The following ARID1A variants were observed in gnomAD, a reference collection of about 807,000 sequenced individuals.
ARID1A encodes the protein AT-rich interaction domain 1A, also known as AT-rich interactive domain-containing protein 1A.
A neutral mutation model predicts 212.6 loss-of-function variants in ARID1A; 20 were observed. That is an observed-to-expected ratio of 0.09 (90% CI 0.07 to 0.14). The LOEUF is 0.14. ARID1A is among the 10% of genes least tolerant of loss of function. The pLI, the probability that ARID1A is intolerant of heterozygous loss-of-function variation, is 1.00. For missense variants in ARID1A, 2,587 were observed against 3,059.0 expected (o/e 0.85, Z 3.64); for synonymous variants, 1,376 against 1,222.1 (o/e 1.13, Z -2.63).
rs1407085369 is a variant in ARID1A, at chr1:26,771,095, G to A, written c.3199-24G>A. On this transcript the variant is annotated intron_variant, in intron 11 of 19. Transcript: ENST00000324856. The surrounding 1 kb of genome is among the most constrained non-coding windows in gnomAD (Gnocchi z 5.4). ...GAAAACCAGGCGGGAGATATACCTC[G>A]ACTCCTTTGGTTTGGTTATACAGGT... The A allele has an allele frequency of 5.6e-6, 9 of 1,612,306 alleles. No homozygotes were observed. Among genetic ancestry groups the A allele is most frequent in the Admixed American group, 5.0e-5 (3 of 60,010 alleles).
intron 1 of ARID1A, among the ~76,000 whole-genome samples, chr1:26,719,632 T>C (rs1257782387): frequency 6.6e-6 from 1 of 152,056 alleles, no homozygotes; most frequent in East Asian, 1.9e-4. Context: ...ACTTTTTTTT[T>C]TTTTCTTTTT....
rs762698084 is a variant in ARID1A, at chr1:26,780,559, C to T, written c.6661C>T (p.Pro2221Ser). The T allele has an allele frequency of 6.2e-7, 1 of 1,614,126 alleles. No individual in the cohort carries two copies. The highest frequency in any genetic ancestry group is 1.1e-5 in the South Asian group (1 of 91,088). The part of the protein sequence containing the change: ...SQASLLHMQN[P>S]PFEPTSVDMM... ...GGCCAGCCTCCTCCACATGCAGAACCCACCCTTTGAGCCAACTAGTGTGGA... is the reference window on the plus strand; with the variant it reads ...GGCCAGCCTCCTCCACATGCAGAACTCACCCTTTGAGCCAACTAGTGTGGA... Residue 2221 changes from proline to serine, a missense_variant, in exon 20 of 20, where the codon CCA (proline) becomes TCA (serine). Pro to Ser is a moderately conservative substitution (Grantham distance 74). Coordinates refer to ENST00000324856, the MANE Select transcript of ARID1A (RefSeq NM_006015.6). This position sits in a 1 kb window ranked among gnomAD's most constrained non-coding sequence, Gnocchi z 7.2.
intron 1 of ARID1A, among the ~76,000 whole-genome samples, chr1:26,724,986 T>TTTTTTA (rs1241447416): frequency 2.0e-5 from 3 of 152,148 alleles, no homozygotes; most frequent in Non-Finnish European, 4.4e-5. Flanking sequence ...TCTTTCCCCC[T>TTTTTTA]TTTTTATTTT....
At chr1:26,742,895 G>A (rs995537966) in intron 4 of ARID1A, among the ~76,000 whole-genome samples, 14 of 152,134 alleles carry the variant, frequency 9.2e-5, no homozygotes, top group Admixed American at 8.5e-4. Context: ...CCTTGAACCC[G>A]AGAGGCGGAG....
chr1:26,737,604 G>A (rs1350514825), intron 4 of ARID1A, among the ~76,000 whole-genome samples: 2 of 152,094 alleles, frequency 1.3e-5, no homozygotes, highest in African/African-American at 2.4e-5. Flanking sequence ...GGTGCCTCAC[G>A]CTTGTAATCC....
At chr1:26,762,822 C>T (rs1018457645) in intron 7 of ARID1A, 151 bp from the exon 8 acceptor site, 45 of 808,412 alleles carry the variant, frequency 5.6e-5, no homozygotes, top group Admixed American at 9.6e-5. Flanking sequence ...CTGGAATCCC[C>T]CCCTTTTTCT....
chr1:26,766,988 AAGAAGGAGATAAGGCAG>A (rs1214846707), intron 10 of ARID1A, among the ~76,000 whole-genome samples: 3 of 152,134 alleles, frequency 2.0e-5, no homozygotes, highest in Non-Finnish European at 4.4e-5. Context: ...GTGTTCTGTA[AAGAAGGAGATAAGGCAG>A]ATGAGGCTTG....
rs998491271 is a variant in ARID1A, at chr1:26,696,155, G to A, written c.-249G>A. Reference sequence around the variant, plus strand: ...AGCCGGGTCCCGAGCCTACAGAGCCGGGAGCAGCTGAGCCGCCGGCGCCTC... The same window carrying A: ...AGCCGGGTCCCGAGCCTACAGAGCCAGGAGCAGCTGAGCCGCCGGCGCCTC... On this transcript the variant is annotated 5_prime_UTR_variant, in exon 1 of 20. Coordinates refer to ENST00000324856, the MANE Select transcript of ARID1A (RefSeq NM_006015.6). 2 of 509,138 alleles carry A rather than the reference G, an allele frequency of 3.9e-6. No individual in the cohort carries two copies. Among genetic ancestry groups the A allele is most frequent in the Non-Finnish European group, 5.6e-6 (2 of 359,646 alleles). 31.5% of individuals were successfully genotyped at this position (509,138 alleles called of 1,614,324 possible). A position where few individuals can be genotyped will look rare whatever the true frequency, so the allele number is the denominator to read the frequency against.
rs1256908417 is a variant in ARID1A at position 26,779,553 on chromosome 1, A to G, written c.5655A>G (p.Ala1885=). ...CCCCTCGGAAGCATGTGACAACAGCAGAGGGTACACCAGGGACAACAGACC... is the reference window on the plus strand; with the variant it reads ...CCCCTCGGAAGCATGTGACAACAGCGGAGGGTACACCAGGGACAACAGACC... ...PPAPRKHVTT[A]EGTPGTTDQE... Residue 1885 remains alanine (A), a synonymous_variant, in exon 20 of 20, where the codon GCA becomes GCG. Transcript: ENST00000324856. The G allele has an allele frequency of 1.2e-6, 2 of 1,614,172 alleles. No homozygotes were observed. Among genetic ancestry groups the G allele is most frequent in the East Asian group, 4.5e-5 (2 of 44,876 alleles).
At chr1:26,750,991 A>G (rs1389329887) in intron 4 of ARID1A, among the ~76,000 whole-genome samples, 2 of 152,080 alleles carry the variant, frequency 1.3e-5, no homozygotes, top group Admixed American at 6.6e-5. Flanking sequence ...ATGGTGGCTC[A>G]CACCTGTAAT....
rs749999757 is a variant in ARID1A at position 26,732,690 on chromosome 1, T to C, written c.1818T>C (p.Asp606=). The C allele has an allele frequency of 8.7e-6, 14 of 1,613,452 alleles. No individual in the cohort carries two copies. In the South Asian group the frequency reaches 1.5e-4, roughly 18 times the overall value. The change falls in exon 4 of 20, where the codon GAT becomes GAC. Residue 606 remains aspartate (D), a synonymous_variant. Coordinates refer to ENST00000324856, the MANE Select transcript of ARID1A (RefSeq NM_006015.6). ...TCTTGTTGTAGGAGCTATCTCAAGA[T>C]TCATTTGGGTCTCAGGCATCCTCAG... ...RFPPPQELSQ[D]SFGSQASSAP...
Position 26,696,689 on chromosome 1 carries a change from G to A in ARID1A, c.286G>A (p.Ala96Thr), listed in dbSNP as rs767811400. Residue 96 changes from alanine to threonine, a missense_variant, in exon 1 of 20, where the codon GCG becomes ACG. Ala to Thr is a moderately conservative substitution (Grantham distance 58, BLOSUM62 0). Around this residue, in one of 11 missense-constraint regions of ARID1A, gnomAD observed 735 missense variants for 590.6 expected, o/e 1.24. Coordinates refer to ENST00000324856, the MANE Select transcript of ARID1A (RefSeq NM_006015.6). ...GGAGSGGGPG[A>T]EPDLKNSNGN... Reference sequence around the variant, plus strand: ...AGCCGGCAGCGGCGGCGGGCCCGGCGCGGAGCCGGACCTGAAGAACTCGAA... The same window carrying A: ...AGCCGGCAGCGGCGGCGGGCCCGGCACGGAGCCGGACCTGAAGAACTCGAA... 3 of 1,327,856 alleles carry A rather than the reference G, an allele frequency of 2.3e-6. 1 individual carries two copies. The highest frequency in any genetic ancestry group is 4.1e-5 in the South Asian group (2 of 48,770). The allele number at this position is 1,327,856 out of a possible 1,614,324, so 82.3% of individuals were successfully genotyped here.
At chr1:26,762,927 G>T (rs772257105) in intron 7 of ARID1A, 46 bp from the exon 8 acceptor site, 1 of 1,484,260 alleles carries the variant, frequency 6.7e-7, no homozygotes, top group Admixed American at 2.0e-5. Flanking sequence ...ATATTAGTGA[G>T]TTGCTAGTGA....
intron 4 of ARID1A, among the ~76,000 whole-genome samples, chr1:26,734,720 G>T (rs1000328468): frequency 1.8e-4 from 27 of 152,198 alleles, no homozygotes; most frequent in African/African-American, 6.0e-4. Context: ...GCCTACGCAG[G>T]CTAGGAAGCA....
intron 11 of ARID1A, chr1:26,770,423 T>A (rs1291928727): frequency 2.6e-5 from 4 of 152,064 alleles, no homozygotes; most frequent in Non-Finnish European, 5.9e-5. Context: ...TTATCATGAG[T>A]CTCCATTTTA....
chr1:26,696,185 G>C lies in ARID1A; in HGVS notation c.-219G>C. 4 of 644,322 alleles carry C rather than the reference G, an allele frequency of 6.2e-6. No homozygotes were observed. In the East Asian group the frequency reaches 1.4e-4, roughly 23 times the overall value. 39.9% of individuals were successfully genotyped at this position (644,322 alleles called of 1,614,324 possible). Reference sequence around the variant, plus strand: ...CAGCTGAGCCGCCGGCGCCTCGGCCGCCGCCGCCGCCTCCTCCTCCTCCGC... The same window carrying C: ...CAGCTGAGCCGCCGGCGCCTCGGCCCCCGCCGCCGCCTCCTCCTCCTCCGC... On this transcript the variant is annotated 5_prime_UTR_variant, in exon 1 of 20. Transcript: ENST00000324856.
intron 1 of ARID1A, among the ~76,000 whole-genome samples, chr1:26,702,234 A>T (rs2080337831): frequency 6.6e-6 from 1 of 152,162 alleles, no homozygotes; most frequent in Non-Finnish European, 1.5e-5. Flanking sequence ...GGTCAATTTC[A>T]TAGGTGCATT....
At chr1:26,732,557 T>C in intron 3 of ARID1A, 119 bp from the exon 4 acceptor site, 1 of 757,602 alleles carries the variant, frequency 1.3e-6, no homozygotes, top group South Asian at 1.7e-5. Flanking sequence ...ATAATACTTT[T>C]CGCAACTGGA....
intron 4 of ARID1A, among the ~76,000 whole-genome samples, chr1:26,755,204 G>A (rs113070718): frequency 0.011 from 1,639 of 152,336 alleles, 24 homozygotes; most frequent in African/African-American, 0.036. Flanking sequence ...CTGGCATATA[G>A]TAGATGCTTA....
Sources: gnomAD v4.1 joint callset for allele counts (sites outside exome capture counted in the v4.1 genomes callset) on GRCh38, gnomAD v4.1.1 for gene constraint, gnomAD v4.1.1 regional missense constraint, Gnocchi (gnomAD v3.1) non-coding constraint, MANE v1.5 for transcripts, NCBI Gene and HGNC (gene_info 2026-07-23, HGNC 2026-07-21) for gene names.